The following FAAH2 variants were observed in gnomAD, a reference collection of about 807,000 sequenced individuals.
FAAH2 encodes fatty-acid amide hydrolase 2.
Under a neutral mutation model 36.9 loss-of-function variants are expected in FAAH2, and 60 were observed. The observed-to-expected ratio is 1.63, with a 90% CI of 1.32 to 2.02. The LOEUF is 2.02. Among genes scored for constraint, FAAH2 ranks in the 30% most tolerant of loss-of-function variants. FAAH2 has a pLI of 0.00. For synonymous variants in FAAH2, 214 were observed against 143.8 expected (o/e 1.49, Z -3.49); for missense variants, 689 against 397.5 (o/e 1.73, Z -6.23).
At chrX:57,367,968 T>A (rs2054458926) in intron 5 of FAAH2, among the ~76,000 whole-genome samples, 1 of 111,948 alleles carries the variant, frequency 8.9e-6, no homozygotes, top group Admixed American at 9.4e-5. Context: ...TGCTATATTG[T>A]GTCTTGCTCA....
At chrX:57,375,586 C>T (rs1334418609) in intron 5 of FAAH2, among the ~76,000 whole-genome samples, 1 of 110,264 alleles carries the variant, frequency 9.1e-6, no homozygotes, top group Non-Finnish European at 1.9e-5. Flanking sequence ...TGTTTCATTT[C>T]TAATTGAGCT....
chrX:57,155,520 G>A, the FAAH2 span, among the ~76,000 whole-genome samples: 1 of 112,237 alleles, frequency 8.9e-6, no homozygotes, highest in African/African-American at 3.2e-5. Context: ...TGCCCCAATA[G>A]CACTGAGTTT....
intron 6 of FAAH2, among the ~76,000 whole-genome samples, chrX:57,379,496 A>T (rs192040963): frequency 9.3e-6 from 1 of 107,176 alleles, no homozygotes; most frequent in East Asian, 3.0e-4. Context: ...ATCTCATCTT[A>T]GTATGACTTT....
At chrX:57,316,341 T>C (rs963488238) in intron 3 of FAAH2, among the ~76,000 whole-genome samples, 8 of 111,786 alleles carry the variant, frequency 7.2e-5, no homozygotes, top group African/African-American at 2.6e-4. Context: ...CCTACCAAAC[T>C]ACCAAAGACA....
intron 2 of FAAH2, among the ~76,000 whole-genome samples, chrX:57,306,090 T>G (rs1192818080): frequency 8.9e-6 from 1 of 112,192 alleles, no homozygotes; most frequent in Non-Finnish European, 1.9e-5. Context: ...CCAATCCTTC[T>G]GAATTGGCAA....
the FAAH2 span, among the ~76,000 whole-genome samples, chrX:57,278,824 C>T: frequency 1.4e-4 from 16 of 111,979 alleles, no homozygotes; most frequent in Admixed American, 3.8e-4. Context: ...CAAAAGTAGA[C>T]ATTTATGCAG....
chrX:57,136,992 A>C, the FAAH2 span: 12 of 886,664 alleles, frequency 1.4e-5, no homozygotes, highest in South Asian at 1.2e-4. Flanking sequence ...TGTAACCCCC[A>C]CTGCCTATCC....
chrX:57,172,718 G>A, the FAAH2 span, among the ~76,000 whole-genome samples: 11 of 111,845 alleles, frequency 9.8e-5, no homozygotes, highest in African/African-American at 3.3e-4. Flanking sequence ...AGTCAGGCCA[G>A]TCAGTGGCCT....
intron 10 of FAAH2, among the ~76,000 whole-genome samples, chrX:57,452,635 T>C (rs2056805194): frequency 8.9e-6 from 1 of 112,426 alleles, no homozygotes; most frequent in Non-Finnish European, 1.9e-5. Context: ...ATAATTATTT[T>C]TTGTTAAACT....
At chrX:57,225,817 C>G in the FAAH2 span, among the ~76,000 whole-genome samples, 1 of 111,926 alleles carries the variant, frequency 8.9e-6, no homozygotes, top group Admixed American at 9.4e-5. Flanking sequence ...TTTGGGATCT[C>G]TAGTCTTAGG....
chrX:57,215,830 G>T, the FAAH2 span, among the ~76,000 whole-genome samples: 1 of 106,618 alleles, frequency 9.4e-6, no homozygotes, highest in Non-Finnish European at 1.9e-5. Flanking sequence ...TGGGGGCAAG[G>T]GGAAGGAGAG....
chrX:57,339,982 C>T (rs1045827825), intron 4 of FAAH2, among the ~76,000 whole-genome samples: 4 of 111,162 alleles, frequency 3.6e-5, no homozygotes, highest in African/African-American at 1.3e-4. Context: ...AGTATTGGCT[C>T]ACAGGATAAC....
the FAAH2 span, among the ~76,000 whole-genome samples, chrX:57,130,647 G>A: frequency 2.4e-4 from 27 of 112,171 alleles, no homozygotes; most frequent in Non-Finnish European, 4.3e-4. Context: ...CCACTCCTGT[G>A]GTCAATCAGT....
In FAAH2 at chrX:57,471,471, A is replaced by C. The variant is rs1031165957; in HGVS notation, c.1424-17286A>C. 4.5e-5 allele frequency among the ~76,000 whole-genome samples: 5 copies of C among 111,840 alleles called. No homozygotes were observed. In the Admixed American group the frequency reaches 4.8e-4, roughly 11 times the overall value. On this transcript the variant is annotated intron_variant, in intron 10 of 10. Coordinates refer to ENST00000374900, the MANE Select transcript of FAAH2 (RefSeq NM_174912.4). ...CCCATAACAGATAGAGAACCAAATC[A>C]TGAGTGAGCTCCCATTCACAATTGC... is the stretch of plus-strand genomic sequence containing the variant.
chrX:57,206,591 G>A, the FAAH2 span, among the ~76,000 whole-genome samples: 1 of 112,647 alleles, frequency 8.9e-6, no homozygotes, highest in Non-Finnish European at 1.9e-5. Flanking sequence ...TGTTTAACAT[G>A]CCTTGTGGCA....
intron 2 of FAAH2, among the ~76,000 whole-genome samples, chrX:57,301,047 A>C (rs1004760505): frequency 3.6e-5 from 4 of 110,503 alleles, no homozygotes; most frequent in African/African-American, 6.6e-5. Context: ...TGTGGAAGTC[A>C]GTGTGGTGAT....
chrX:57,186,735 T>C, the FAAH2 span, among the ~76,000 whole-genome samples: 4 of 112,269 alleles, frequency 3.6e-5, no homozygotes, highest in Middle Eastern at 4.6e-3. Flanking sequence ...GAGTTAATTT[T>C]TGTATAAGGT....
Position 57,394,705 on chromosome X carries a change from T to C in FAAH2, c.996+13676T>C, listed in dbSNP as rs1173872396. ...GTTTTTTTTATCATCTGGGACATAATTGATTCCACAGTTGATGACTATTGC... is the reference window on the plus strand; with the variant it reads ...GTTTTTTTTATCATCTGGGACATAACTGATTCCACAGTTGATGACTATTGC... On this transcript the variant is annotated intron_variant, in intron 7 of 10. Transcript: ENST00000374900. The C allele has an allele frequency of 1.1e-5, 10 of 888,106 alleles. No individual in the cohort carries two copies. The Admixed American group carries it at 1.3e-4, about 12-fold the overall frequency. 73.2% of individuals were successfully genotyped at this position (888,106 alleles called of 1,213,427 possible).
At chrX:57,277,357 C>G in the FAAH2 span, among the ~76,000 whole-genome samples, 2 of 111,664 alleles carry the variant, frequency 1.8e-5, no homozygotes, top group Admixed American at 9.6e-5. Context: ...CAGAAATGGC[C>G]TTCAACAAAA....
Sources: allele counts gnomAD v4.1 joint callset (sites outside exome capture counted in the v4.1 genomes callset), GRCh38; gene constraint gnomAD v4.1.1; transcripts MANE v1.5; gene names NCBI Gene and HGNC (gene_info 2026-07-23, HGNC 2026-07-21).